The following CERT1 variants were observed in gnomAD, a reference collection of about 807,000 sequenced individuals.
CERT1 encodes the protein ceramide transfer protein.
Under a neutral mutation model 87.9 loss-of-function variants are expected in CERT1, and 31 were observed. The ratio of observed to expected loss-of-function variants is 0.35; its 90% CI spans 0.27 to 0.48. The LOEUF is 0.48. Among genes scored for constraint, CERT1 ranks in the 20% least tolerant of loss-of-function variants. The probability of loss-of-function intolerance (pLI) is 0.99; values close to 1 mark genes in which losing one functional copy is unlikely to be tolerated. For missense variants in CERT1, 487 were observed against 758.0 expected (o/e 0.64, Z 4.20); for synonymous variants, 289 against 250.9 (o/e 1.15, Z -1.44).
chr5:75,388,598 G>GTA (rs1761895671), intron 12 of CERT1, among the ~76,000 whole-genome samples: 1 of 52,454 alleles, frequency 1.9e-5, no homozygotes, highest in Non-Finnish European at 3.9e-5. Flanking sequence ...TAGCATGCAT[G>GTA]CATATATATA....
Position 75,442,050 on chromosome 5 carries a change from T to C in CERT1, c.349-15572A>G, listed in dbSNP as rs1040279825. On this transcript the variant is annotated intron_variant, in intron 3 of 16. Coordinates refer to ENST00000643780, the MANE Select transcript of CERT1 (RefSeq NM_001379029.1). ...CAAGGGTTCCAATTTCTTCACATCT[T>C]TGCCAACACTTGTTATTTATTTGAT... Among the ~76,000 whole-genome samples, 5 of 152,344 alleles carry C rather than the reference T, an allele frequency of 3.3e-5. No homozygotes were observed. In the South Asian group the frequency reaches 1.0e-3, roughly 32 times the overall value.
At chr5:75,417,470 T>C (rs926600554) in intron 6 of CERT1, among the ~76,000 whole-genome samples, 3 of 152,156 alleles carry the variant, frequency 2.0e-5, no homozygotes, top group Non-Finnish European at 4.4e-5. Context: ...CAAATTTAAA[T>C]CCAGGACCAA....
intron 2 of CERT1, among the ~76,000 whole-genome samples, chr5:75,470,650 C>G (rs550460771): frequency 2.6e-5 from 4 of 152,244 alleles, no homozygotes; most frequent in South Asian, 2.1e-4. Context: ...CAACTCACAG[C>G]TAATACACTG....
chr5:75,492,826 T>C (rs1350296427), intron 2 of CERT1, among the ~76,000 whole-genome samples: 1 of 152,210 alleles, frequency 6.6e-6, no homozygotes, highest in African/African-American at 2.4e-5. Flanking sequence ...TGTCCATTCT[T>C]TACTTGAGCA....
chr5:75,372,278 T>G (rs1761111085), intron 17 of CERT1: 1 of 152,124 alleles, frequency 6.6e-6, no homozygotes, highest in Non-Finnish European at 1.5e-5. Context: ...TTTTTGAAGA[T>G]TCTTATCAGC....
chr5:75,502,193 A>G, intron 2 of CERT1, among the ~76,000 whole-genome samples: 1 of 152,276 alleles, frequency 6.6e-6, no homozygotes. Flanking sequence ...TGGGCTATAA[A>G]TTATTAAGTT....
chr5:75,496,535 C>A (rs1021235774), intron 2 of CERT1, among the ~76,000 whole-genome samples: 6 of 152,142 alleles, frequency 3.9e-5, no homozygotes, highest in African/African-American at 1.4e-4. Context: ...TTTAGAGCAG[C>A]CTTATTTATT....
At chr5:75,495,950 A>C (rs1767043643) in intron 2 of CERT1, among the ~76,000 whole-genome samples, 1 of 152,082 alleles carries the variant, frequency 6.6e-6, no homozygotes, top group South Asian at 2.1e-4. Context: ...AAAATAAATA[A>C]ATAAAAAAAA....
chr5:75,417,802 G>C (rs1763202684), intron 6 of CERT1, among the ~76,000 whole-genome samples: 1 of 152,200 alleles, frequency 6.6e-6, no homozygotes, highest in Admixed American at 6.5e-5. Context: ...AAAATCTTGT[G>C]TGGCATATAT....
intron 13 of CERT1, 56 bp from the exon 14 acceptor site, chr5:75,384,768 T>C: frequency 1.8e-6 from 2 of 1,142,256 alleles, no homozygotes; most frequent in Non-Finnish European, 2.6e-6. Flanking sequence ...ATGTGATCAA[T>C]TCACTTATGT....
intron 8 of CERT1, among the ~76,000 whole-genome samples, chr5:75,405,885 G>T (rs1486934750): frequency 6.8e-5 from 9 of 132,564 alleles, no homozygotes; most frequent in South Asian, 2.3e-4. Flanking sequence ...GGGGGGGGGG[G>T]GTCTTGTAAT....
At chr5:75,452,108 T>A (rs1764790997) in intron 3 of CERT1, among the ~76,000 whole-genome samples, 1 of 152,196 alleles carries the variant, frequency 6.6e-6, no homozygotes, top group Non-Finnish European at 1.5e-5. Context: ...CTTTCAAAGT[T>A]CATTGATGCT....
intron 2 of CERT1, among the ~76,000 whole-genome samples, chr5:75,479,058 A>G (rs111369706): frequency 1.3e-5 from 2 of 152,026 alleles, no homozygotes; most frequent in African/African-American, 2.4e-5. Context: ...TAACACATTC[A>G]ATATTAAGCA....
In CERT1 at chr5:75,490,504, TTTA is replaced by T. The variant is rs1388807276; in HGVS notation, c.231+15475_231+15477del. On this transcript the variant is annotated intron_variant, in intron 2 of 16. Coordinates refer to ENST00000643780, the MANE Select transcript of CERT1 (RefSeq NM_001379029.1). ...AACACCTGTACGAAATTTTTATTTATTTATTTTTTTTTGAGACAGAGTCTCGCT... is the reference window on the plus strand; with the variant it reads ...AACACCTGTACGAAATTTTTATTTATTTTTTTTTTGAGACAGAGTCTCGCT... 3.6e-4 allele frequency among the ~76,000 whole-genome samples: 46 copies of T among 128,974 alleles called. No homozygotes were observed. In the East Asian group the frequency reaches 8.9e-3, roughly 25 times the overall value. 84.6% of individuals were successfully genotyped at this position (128,974 alleles called of 152,430 possible).
At chr5:75,374,250 G>A (rs1761198320), downstream of CERT1, 2 of 398,824 alleles carry the variant, frequency 5.0e-6, no homozygotes, top group East Asian at 3.6e-5. Context: ...TGTTTGCTAC[G>A]AACAGCTGCA....
chr5:75,380,144 G>GT (rs1489981112), intron 16 of CERT1, among the ~76,000 whole-genome samples: 2 of 152,104 alleles, frequency 1.3e-5, no homozygotes, highest in Admixed American at 1.3e-4. Context: ...TATAAAGAAG[G>GT]TATGACTTTT....
At chr5:75,446,384 T>C (rs1764537483) in intron 3 of CERT1, among the ~76,000 whole-genome samples, 2 of 152,168 alleles carry the variant, frequency 1.3e-5, no homozygotes, top group Admixed American at 6.5e-5. Context: ...ATATTTCTAT[T>C]TTGTTCATTT....
intron 3 of CERT1, among the ~76,000 whole-genome samples, chr5:75,440,377 CTT>C (rs1416489042): frequency 6.6e-6 from 1 of 152,036 alleles, no homozygotes; most frequent in African/African-American, 2.4e-5. Context: ...CCTCAAGATA[CTT>C]TTCTCAAATC....
intron 3 of CERT1, among the ~76,000 whole-genome samples, chr5:75,450,120 A>G (rs1232354829): frequency 1.3e-5 from 2 of 152,178 alleles, no homozygotes; most frequent in African/African-American, 4.8e-5. Flanking sequence ...TCTCTCTTTA[A>G]GATTTACTTT....
Sources: gnomAD v4.1 joint callset for allele counts (sites outside exome capture counted in the v4.1 genomes callset) on GRCh38, gnomAD v4.1.1 for gene constraint, MANE v1.5 for transcripts, NCBI Gene and HGNC (gene_info 2026-07-23, HGNC 2026-07-21) for gene names.